KCNQ5: variants seen among roughly 807,000 people sequenced by gnomAD.
KCNQ5 encodes potassium voltage-gated channel subfamily Q member 5, also known as potassium voltage-gated channel subfamily KQT member 5.
A neutral mutation model predicts 98.2 loss-of-function variants in KCNQ5; 30 were observed. The ratio of observed to expected loss-of-function variants is 0.31; its 90% confidence interval spans 0.23 to 0.41. The LOEUF (loss-of-function observed/expected upper bound fraction) is 0.41. Ranked by LOEUF, KCNQ5 falls within the 10% of genes least tolerant of loss-of-function variation. The pLI is 1.00. For missense variants in KCNQ5, 835 were observed against 1,182.5 expected, an observed-to-expected ratio of 0.71 and a Z score of 4.31; for synonymous variants, 458 against 449.4, an observed-to-expected ratio of 1.02 and a Z score of -0.24.
chr6:72,890,838 T>C (rs1194783293), intron 1 of KCNQ5, among the ~76,000 whole-genome samples: 8 of 152,168 alleles, frequency 5.3e-5, no homozygotes, highest in Non-Finnish European at 1.2e-4. Context: ...ACCAAACATC[T>C]GGCCCTTGTA....
chr6:73,091,496 A>AAAAGAG (rs1774246038), intron 5 of KCNQ5, among the ~76,000 whole-genome samples: 1 of 152,106 alleles, frequency 6.6e-6, no homozygotes, highest in South Asian at 2.1e-4. Context: ...TCAGCCTTAA[A>AAAAGAG]AAAAAGAAAA....
At chr6:72,932,452 A>C (rs1765730430) in intron 1 of KCNQ5, among the ~76,000 whole-genome samples, 1 of 152,170 alleles carries the variant, frequency 6.6e-6, no homozygotes, top group African/African-American at 2.4e-5. Flanking sequence ...AAAGCAGTTG[A>C]CTTGGGAGCA....
chr6:72,873,058 G>A (rs187456891), intron 1 of KCNQ5, among the ~76,000 whole-genome samples: 2 of 152,178 alleles, frequency 1.3e-5, no homozygotes, highest in Admixed American at 6.5e-5. Flanking sequence ...TATACACTTA[G>A]AGAATCTCCT....
At chr6:72,788,033 T>C (rs1348332955) in intron 1 of KCNQ5, among the ~76,000 whole-genome samples, 9 of 152,234 alleles carry the variant, frequency 5.9e-5, no homozygotes, top group Non-Finnish European at 1.0e-4. Flanking sequence ...TTGCTGCTTT[T>C]CTTGGGTATC....
At chr6:72,739,388 C>T (rs1320167175) in intron 1 of KCNQ5, among the ~76,000 whole-genome samples, 1 of 152,096 alleles carries the variant, frequency 6.6e-6, no homozygotes, top group Non-Finnish European at 1.5e-5. Flanking sequence ...CTGGGGTATG[C>T]TATGGGGGCC....
intron 5 of KCNQ5, among the ~76,000 whole-genome samples, chr6:73,094,848 T>C (rs4288171): frequency 0.87 from 132,645 of 152,122 alleles, 58,528 homozygotes; most frequent in South Asian, 0.96. Flanking sequence ...CTCACTGCTC[T>C]TAAAATTCTT....
intron 6 of KCNQ5, among the ~76,000 whole-genome samples, chr6:73,109,225 A>AT (rs1238564219): frequency 6.6e-6 from 1 of 152,162 alleles, no homozygotes; most frequent in African/African-American, 2.4e-5. Context: ...TGCCAATGTG[A>AT]TTTTCAGCAC....
intron 1 of KCNQ5, among the ~76,000 whole-genome samples, chr6:72,808,537 C>T (rs1382644087): frequency 6.6e-6 from 1 of 152,164 alleles, no homozygotes; most frequent in Non-Finnish European, 1.5e-5. Flanking sequence ...TGATAATCCA[C>T]TGTATCTATT....
intron 3 of KCNQ5, chr6:73,043,186 A>G (rs1274950904): frequency 9.5e-6 from 4 of 422,518 alleles, no homozygotes; most frequent in South Asian, 7.4e-5. Context: ...TGTTAAGAAG[A>G]ATCCTTTATT....
At chr6:72,648,827 G>GA (rs936081238) in intron 1 of KCNQ5, among the ~76,000 whole-genome samples, 11 of 142,314 alleles carry the variant, frequency 7.7e-5, no homozygotes, top group East Asian at 6.1e-4. Flanking sequence ...TATCTCAGAA[G>GA]AAAAAAAAAG....
intron 6 of KCNQ5, 22 bp from the exon 7 acceptor site, chr6:73,111,286 C>T (rs368971129): frequency 2.6e-5 from 41 of 1,559,528 alleles, no homozygotes; most frequent in Non-Finnish European, 3.3e-5. Context: ...TTTTTGAGTG[C>T]CATTTTTGTA....
chr6:72,672,018 G>C (rs371394826), intron 1 of KCNQ5, among the ~76,000 whole-genome samples: 1 of 151,100 alleles, frequency 6.6e-6, no homozygotes, highest in South Asian at 2.1e-4. Context: ...GGGTTTCACC[G>C]TGTTAGCCAG....
At chr6:73,108,420 G>C (rs932263878) in intron 6 of KCNQ5, among the ~76,000 whole-genome samples, 1 of 152,178 alleles carries the variant, frequency 6.6e-6, no homozygotes, top group Non-Finnish European at 1.5e-5. Flanking sequence ...AACTAGTGCT[G>C]TTTGACTCAC....
chr6:72,721,350 T>C (rs1769948325), intron 1 of KCNQ5, among the ~76,000 whole-genome samples: 1 of 152,220 alleles, frequency 6.6e-6, no homozygotes, highest in Admixed American at 6.5e-5. Flanking sequence ...AGGTTTGTGA[T>C]AAATCTTACA....
intron 1 of KCNQ5, among the ~76,000 whole-genome samples, chr6:72,649,376 A>C (rs118015902): frequency 0.012 from 1,896 of 152,296 alleles, 32 homozygotes; most frequent in Middle Eastern, 0.024. Context: ...TAAGAACCTT[A>C]GTTAGGAAAC....
chr6:72,829,230 A>G (rs1052851915), intron 1 of KCNQ5, among the ~76,000 whole-genome samples: 5 of 152,142 alleles, frequency 3.3e-5, no homozygotes, highest in Admixed American at 2.0e-4. Context: ...CTCTTCATCA[A>G]CTAGGTAGTG....
intron 1 of KCNQ5, among the ~76,000 whole-genome samples, chr6:72,773,921 A>C (rs1773039089): frequency 6.6e-6 from 1 of 152,170 alleles, no homozygotes; most frequent in Non-Finnish European, 1.5e-5. Context: ...ATAGCAGTAA[A>C]TCAATGGAAC....
In KCNQ5 at chr6:73,132,650, C is replaced by T. The variant is rs184891665; in HGVS notation, c.1248-771C>T. On this transcript the variant is annotated intron_variant, in intron 9 of 13. Coordinates refer to ENST00000370398, the MANE Select transcript of KCNQ5 (RefSeq NM_019842.4). ...CAGCCCACAACAATTTGATCTTAGC[C>T]GGCATCAGAGAACTGAATGCCTGAA... 7.0e-3 allele frequency among the ~76,000 whole-genome samples: 1,060 copies of T among 152,246 alleles called. 9 individuals carry two copies. Among genetic ancestry groups the T allele is most frequent in the Non-Finnish European group, 0.011 (765 of 68,022 alleles).
chr6:72,748,522 A>G (rs555553179), intron 1 of KCNQ5, among the ~76,000 whole-genome samples: 43 of 152,242 alleles, frequency 2.8e-4, no homozygotes, highest in Admixed American at 2.8e-3. Flanking sequence ...ATGACTTTCA[A>G]TTCACCCATA....
Sources: allele counts gnomAD v4.1 joint callset (sites outside exome capture counted in the v4.1 genomes callset), GRCh38; gene constraint gnomAD v4.1.1; transcripts MANE v1.5; gene names NCBI Gene and HGNC (gene_info 2026-07-23, HGNC 2026-07-21).